Variants in CERS2 observed in about 807,000 individuals in gnomAD.
The protein encoded by CERS2 is ceramide synthase 2, also known as LAG1 homolog, ceramide synthase 2.
In CERS2, 20 loss-of-function variants were observed where a neutral mutation model predicts 56.6. That is an observed-to-expected ratio of 0.35 (90% CI 0.25 to 0.51). The LOEUF is 0.51. Ranked by LOEUF, CERS2 falls within the 20% of genes least tolerant of loss-of-function variation. The pLI is 0.96. For synonymous variants in CERS2, 187 were observed against 175.4 expected (o/e 1.07, Z -0.52); for missense variants, 361 against 488.6 (o/e 0.74, Z 2.46).
chr1:150,965,615 T>C lies in CERS2; in HGVS notation c.*533A>G, dbSNP rs1670984894. The C allele has an allele frequency of 6.5e-6, 1 of 153,392 alleles. No individual in the cohort carries two copies. Among genetic ancestry groups the C allele is most frequent in the Non-Finnish European group, 1.5e-5 (1 of 68,668 alleles). The allele number at this position is 153,392 out of a possible 1,614,324, so 9.5% of individuals were successfully genotyped here. A position where few individuals can be genotyped will look rare whatever the true frequency, so the allele number is the denominator to read the frequency against. ...TTTGGCAGAGGTAGGGTAAGGGTTA[T>C]GTGCACCCTCCTCCTACCCTCAATT... On this transcript the variant is annotated 3_prime_UTR_variant, in exon 11 of 11. Transcript: ENST00000368954.
intron 1 of CERS2, among the ~76,000 whole-genome samples, chr1:150,973,478 G>GGC (rs1414224465): frequency 5.9e-5 from 9 of 152,378 alleles, no homozygotes; most frequent in East Asian, 3.9e-4. Context: ...TCTGGCCAGA[G>GGC]GCCCCAGTGA....
Position 150,967,550 on chromosome 1 carries a change from G to GC in CERS2, c.520-67dup, listed in dbSNP as rs1305913371. 5 of 1,392,102 alleles carry GC rather than the reference G, an allele frequency of 3.6e-6. No individual in the cohort carries two copies. The African/African-American group carries it at 7.1e-5, about 20-fold the overall frequency. The allele number at this position is 1,392,102 out of a possible 1,614,324, so 86.2% of individuals were successfully genotyped here. A position where few individuals can be genotyped will look rare whatever the true frequency, so the allele number is the denominator to read the frequency against. The stretch of plus-strand genomic sequence containing the variant: ...GTGTCCCCACTCCACAAACCCCCTA[G>GC]CCCCTGAGGTTCTTCATTCCATCAC... On this transcript the variant is annotated intron_variant, in intron 6 of 10. Coordinates refer to ENST00000368954, the MANE Select transcript of CERS2 (RefSeq NM_022075.5).
At chr1:150,967,547 CT>C in intron 6 of CERS2, 63 bp from the exon 7 acceptor site, 1 of 1,402,214 alleles carries the variant, frequency 7.1e-7, no homozygotes, top group South Asian at 1.2e-5. Context: ...CACAAACCCC[CT>C]AGCCCCTGAG....
At position 150,966,857 on chromosome 1, in the gene CERS2, G is replaced by A. The variant is rs781017421; in HGVS notation, c.747C>T (p.Ala249=). ...HDSSDYLLES[A]KMFNYAGWKN... ...TCCATCCCGCGTAGTTAAACATCTTGGCTGACTGCATAGAGAGCCCCCATC... is the reference window on the plus strand; with the variant it reads ...TCCATCCCGCGTAGTTAAACATCTTAGCTGACTGCATAGAGAGCCCCCATC... The change falls in exon 9 of 11, where the codon GCC becomes GCT. Residue 249 remains alanine (A), a synonymous_variant. Coordinates refer to ENST00000368954, the MANE Select transcript of CERS2 (RefSeq NM_022075.5). 32 of 1,611,614 alleles carry A rather than the reference G, an allele frequency of 2.0e-5. No individual in the cohort carries two copies. The highest frequency in any genetic ancestry group is 5.1e-6 in the Non-Finnish European group (6 of 1,178,010).
In CERS2 at chr1:150,971,397, C is replaced by G. The variant is rs77279988; in HGVS notation, c.-1-2306G>C. Among the ~76,000 whole-genome samples the G allele has an allele frequency of 8.4e-3, 1,282 of 152,108 alleles. 7 individuals carry two copies. Among genetic ancestry groups the G allele is most frequent in the Non-Finnish European group, 0.012 (811 of 67,966 alleles). On this transcript the variant is annotated intron_variant, in intron 1 of 10. Transcript: ENST00000368954. ...CTGTAGCCCTTGCGAAATCCCTCAG[C>G]CTGTCACGGGTCAGTATTCCAGCTC...
chr1:150,965,932 C>T lies in CERS2; in HGVS notation c.*216G>A, dbSNP rs992242714. ...GTAGGGAGGAAAATACGACCGTCCC[C>T]CTCTAACAGAATATAACCAACGTCC... On this transcript the variant is annotated 3_prime_UTR_variant, in exon 11 of 11. Coordinates refer to ENST00000368954, the MANE Select transcript of CERS2 (RefSeq NM_022075.5). 4.2e-5 allele frequency: 21 copies of T among 505,978 alleles called. No homozygotes were observed. The highest frequency in any genetic ancestry group is 7.2e-5 in the Non-Finnish European group (21 of 291,932). The allele number at this position is 505,978 out of a possible 1,614,324, so 31.3% of individuals were successfully genotyped here. A position where few individuals can be genotyped will look rare whatever the true frequency, so the allele number is the denominator to read the frequency against.
At chr1:150,966,908 C>T (rs745976749) in intron 8 of CERS2, 46 bp from the exon 9 acceptor site, 7 of 1,479,246 alleles carry the variant, frequency 4.7e-6, no homozygotes, top group African/African-American at 4.2e-5. Context: ...CTGACTCCCT[C>T]GAGTACATTC....
At chr1:150,971,893 A>C (rs1296927778) in intron 1 of CERS2, 1 of 471,188 alleles carries the variant, frequency 2.1e-6, no homozygotes, top group South Asian at 1.5e-5. Context: ...GGAAATGTAA[A>C]GCCAAAGGTA....
intron 1 of CERS2, chr1:150,971,987 G>A (rs894234760): frequency 1.1e-5 from 5 of 457,054 alleles, no homozygotes; most frequent in Non-Finnish European, 2.3e-5. Context: ...CTCTAGTCAG[G>A]CGGCAGGCTG....
In CERS2 at chr1:150,966,030, G is replaced by A; in HGVS notation, c.*118C>T. 9.2e-7 allele frequency: 1 copy of A among 1,082,470 alleles called. No individual in the cohort carries two copies. Among genetic ancestry groups the A allele is most frequent in the South Asian group, 1.7e-5 (1 of 59,804 alleles). The allele number at this position is 1,082,470 out of a possible 1,614,324, so 67.1% of individuals were successfully genotyped here. On this transcript the variant is annotated 3_prime_UTR_variant, in exon 11 of 11. Transcript: ENST00000368954. Reference sequence around the variant, plus strand: ...GTGACAAGCAAGGAGGGAGGATGCAGAGAACTCTCCTCTCACTTTCTCCTT... The same window carrying A: ...GTGACAAGCAAGGAGGGAGGATGCAAAGAACTCTCCTCTCACTTTCTCCTT...
rs777928416 is a variant in CERS2 at position 150,968,423 on chromosome 1, T to C, written c.263A>G (p.Tyr88Cys). 12 of 1,614,020 alleles carry C rather than the reference T, an allele frequency of 7.4e-6. No homozygotes were observed. Among genetic ancestry groups the C allele is most frequent in the Non-Finnish European group, 1.7e-6 (2 of 1,179,932 alleles). ...APPNATLEHFYLTSGKQPKQV... is the reference protein window; with the variant it reads ...APPNATLEHFCLTSGKQPKQV... Reference sequence around the variant, plus strand: ...CTTGGGCTGCTTGCCACTGGTCAGGTAGAAATGTTCCAAGGTGGCGTTGGG... The same window carrying C: ...CTTGGGCTGCTTGCCACTGGTCAGGCAGAAATGTTCCAAGGTGGCGTTGGG... Residue 88 changes from tyrosine (Y) to cysteine (C), a missense_variant, in exon 3 of 11, where the codon TAC becomes TGC. This residue lies in a region of CERS2 where 236 missense variants were observed against 309.2 expected (regional missense o/e 0.76). Coordinates refer to ENST00000368954, the MANE Select transcript of CERS2 (RefSeq NM_022075.5).
intron 8 of CERS2, 76 bp from the exon 9 acceptor site, chr1:150,966,938 G>T: frequency 1.4e-6 from 2 of 1,427,390 alleles, no homozygotes; most frequent in Non-Finnish European, 9.9e-7. Flanking sequence ...CTCCAGTTAG[G>T]AGCACTGACT....
chr1:150,967,544 C>T (rs1349683342), intron 6 of CERS2, 60 bp from the exon 7 acceptor site: 2 of 1,389,592 alleles, frequency 1.4e-6, no homozygotes, highest in South Asian at 1.2e-5. Context: ...CTCCACAAAC[C>T]CCCTAGCCCC....
chr1:150,968,414 C>G lies in CERS2; in HGVS notation c.272G>C (p.Ser91Thr). 1 of 1,614,144 alleles carries G rather than the reference C, an allele frequency of 6.2e-7. No individual in the cohort carries two copies. The highest frequency in any genetic ancestry group is 8.5e-7 in the Non-Finnish European group (1 of 1,179,970). The change falls in exon 3 of 11, where the codon AGT becomes ACT. Residue 91 changes from serine to threonine, a missense_variant. Ser to Thr is a moderately conservative substitution (Grantham distance 58). Coordinates refer to ENST00000368954, the MANE Select transcript of CERS2 (RefSeq NM_022075.5). ...NATLEHFYLT[S>T]GKQPKQVEVE... ...TCATACCTGCTTGGGCTGCTTGCCA[C>G]TGGTCAGGTAGAAATGTTCCAAGGT...
chr1:150,967,668 A>G lies in CERS2; in HGVS notation c.515T>C (p.Ile172Thr), dbSNP rs148487744. The G allele has an allele frequency of 6.2e-7, 1 of 1,612,524 alleles. No individual in the cohort carries two copies. Among genetic ancestry groups the G allele is most frequent in the Non-Finnish European group, 8.5e-7 (1 of 1,178,524 alleles). ...DMKKVWEGYP[I>T]QSTIPSQYWY... ...ATGAGGAAGCAGAACTCATACCTGT[A>G]TGGGATATCCCTCCCAAACTTTCTT... Residue 172 changes from isoleucine (I) to threonine (T), a missense_variant, in exon 6 of 11, where the codon ATA becomes ACA. By Grantham distance (89) the Ile-to-Thr change is moderately conservative (BLOSUM62 -1). Around this residue, in one of 3 missense-constraint regions of CERS2, gnomAD observed 236 missense variants for 309.2 expected, o/e 0.76. Coordinates refer to ENST00000368954, the MANE Select transcript of CERS2 (RefSeq NM_022075.5).
rs757031719 is a variant in CERS2 at position 150,965,904 on chromosome 1, C to T, written c.*244G>A. ...AAAAGCAGTAGAAAGGATGACTTGG[C>T]GGGTAGGGAGGAAAATACGACCGTC... On this transcript the variant is annotated 3_prime_UTR_variant, in exon 11 of 11. Transcript: ENST00000368954. 19 of 424,434 alleles carry T rather than the reference C, an allele frequency of 4.5e-5. No homozygotes were observed. The highest frequency in any genetic ancestry group is 2.2e-4 in the South Asian group (5 of 22,270). 26.3% of individuals were successfully genotyped at this position (424,434 alleles called of 1,614,324 possible). A position where few individuals can be genotyped will look rare whatever the true frequency, so the allele number is the denominator to read the frequency against.
At position 150,968,460 on chromosome 1, in the gene CERS2, G is replaced by A. The variant is rs765912158; in HGVS notation, c.226C>T (p.Leu76=). 3.1e-6 allele frequency: 5 copies of A among 1,614,210 alleles called. No individual in the cohort carries two copies. The African/African-American group carries it at 5.3e-5, about 17-fold the overall frequency. ...AAGGTGGCGTTGGGAGGTGCCCGCA[G>A]CCGAGTTTTCTCCTTTATGTTCAAG... ...ALLNIKEKTR[L]RAPPNATLEH... The change falls in exon 3 of 11, where the codon CTG becomes TTG. Residue 76 remains leucine, a synonymous_variant. Transcript: ENST00000368954.
At position 150,965,277 on chromosome 1, in the gene CERS2, A is replaced by T. The variant is rs587596786; in HGVS notation, c.*871T>A. 2 of 152,676 alleles carry T rather than the reference A, an allele frequency of 1.3e-5. No homozygotes were observed. Among genetic ancestry groups the T allele is most frequent in the Admixed American group, 6.5e-5 (1 of 15,296 alleles). The allele number at this position is 152,676 out of a possible 1,614,324, so 9.5% of individuals were successfully genotyped here. A position where few individuals can be genotyped will look rare whatever the true frequency, so the allele number is the denominator to read the frequency against. ...TGCCATGTTTTATTTAATATTTTTT[A>T]TTTAATCTTTTAATTTTTAAAAAAA... On this transcript the variant is annotated 3_prime_UTR_variant, in exon 11 of 11. Transcript: ENST00000368954.
In CERS2 at chr1:150,966,025, A is replaced by T; in HGVS notation, c.*123T>A. On this transcript the variant is annotated 3_prime_UTR_variant, in exon 11 of 11. Coordinates refer to ENST00000368954, the MANE Select transcript of CERS2 (RefSeq NM_022075.5). ...ACTGGGTGACAAGCAAGGAGGGAGG[A>T]TGCAGAGAACTCTCCTCTCACTTTC... 1 of 1,014,030 alleles carries T rather than the reference A, an allele frequency of 9.9e-7. No individual in the cohort carries two copies. Among genetic ancestry groups the T allele is most frequent in the Non-Finnish European group, 1.4e-6 (1 of 706,840 alleles). 62.8% of individuals were successfully genotyped at this position (1,014,030 alleles called of 1,614,324 possible). A position where few individuals can be genotyped will look rare whatever the true frequency, so the allele number is the denominator to read the frequency against.
Sources: gnomAD v4.1 joint callset for allele counts (sites outside exome capture counted in the v4.1 genomes callset) on GRCh38, gnomAD v4.1.1 for gene constraint, gnomAD v4.1.1 regional missense constraint, MANE v1.5 for transcripts, NCBI Gene and HGNC (gene_info 2026-07-23, HGNC 2026-07-21) for gene names.